GRIK3: variants seen among roughly 807,000 people sequenced by gnomAD.
GRIK3 encodes the protein glutamate receptor ionotropic, kainate 3.
In GRIK3, 29 loss-of-function variants were observed where a neutral mutation model predicts 102.5. The ratio of observed to expected loss-of-function variants is 0.28; its 90% CI spans 0.21 to 0.39. The LOEUF is 0.39. Ranked by LOEUF, GRIK3 falls within the 10% of genes least tolerant of loss-of-function variation. The pLI is 1.00. For missense variants in GRIK3, 908 were observed against 1,252.4 expected (o/e 0.73, Z 4.15); for synonymous variants, 511 against 504.9 (o/e 1.01, Z -0.16).
rs1642500664 is a variant in GRIK3, at chr1:36,806,212, G to A, written c.2206C>T (p.Leu736=). The change falls in exon 14 of 16, where the codon CTG becomes TTG. Residue 736 remains leucine, a synonymous_variant. Transcript: ENST00000373091. This position sits in a 1 kb window ranked among gnomAD's most constrained non-coding sequence, Gnocchi z 4.0. ...IQRALTADYA[L]LMESTTIEYV... ...TCGATGGTGGTGGACTCCATGAGCA[G>A]CGCGTAGTCGGCCGTCAGGGCCCTC... is the stretch of plus-strand genomic sequence containing the variant. 1 of 1,614,086 alleles carries A rather than the reference G, an allele frequency of 6.2e-7. No homozygotes were observed. Among genetic ancestry groups the A allele is most frequent in the Non-Finnish European group, 8.5e-7 (1 of 1,179,930 alleles).
intron 10 of GRIK3, among the ~76,000 whole-genome samples, chr1:36,831,248 C>T (rs938740799): frequency 6.6e-6 from 1 of 152,192 alleles, no homozygotes; most frequent in African/African-American, 2.4e-5. Context: ...GTGAACTTGA[C>T]TCTGGCCCCT....
At chr1:36,910,683 T>C (rs945132545) in intron 1 of GRIK3, among the ~76,000 whole-genome samples, 2 of 152,230 alleles carry the variant, frequency 1.3e-5, no homozygotes, top group African/African-American at 4.8e-5. Flanking sequence ...TCTAATGTCC[T>C]GGGAGAGGAA....
At position 36,806,453 on chromosome 1, in the gene GRIK3, G is replaced by A. The variant is rs1264525558; in HGVS notation, c.2092-127C>T. 9 of 613,602 alleles carry A rather than the reference G, an allele frequency of 1.5e-5. No individual in the cohort carries two copies. In the Admixed American group the frequency reaches 1.7e-4, roughly 12 times the overall value. The allele number at this position is 613,602 out of a possible 1,614,324, so 38.0% of individuals were successfully genotyped here. Reference sequence around the variant, plus strand: ...TCTACAATCTTCAGAGAAAGGAAGTGCTACACGGTGCTCAGATATAGAAAT... The same window carrying A: ...TCTACAATCTTCAGAGAAAGGAAGTACTACACGGTGCTCAGATATAGAAAT... On this transcript the variant is annotated intron_variant, in intron 13 of 15. Coordinates refer to ENST00000373091, the MANE Select transcript of GRIK3 (RefSeq NM_000831.4). The surrounding 1 kb of genome is among the most constrained non-coding windows in gnomAD (Gnocchi z 4.0).
At chr1:36,862,652 C>A (rs940794572) in intron 5 of GRIK3, among the ~76,000 whole-genome samples, 1 of 152,206 alleles carries the variant, frequency 6.6e-6, no homozygotes, top group South Asian at 2.1e-4. Context: ...GTCTCCCTCC[C>A]TCAGCTCCTC....
intron 3 of GRIK3, among the ~76,000 whole-genome samples, chr1:36,879,698 G>C (rs193166150): frequency 1.9e-3 from 296 of 152,302 alleles, no homozygotes; most frequent in Non-Finnish European, 3.4e-3. Context: ...GGCAGGGCAG[G>C]AGTGGGTCAG....
chr1:36,815,181 C>G (rs1251385572), intron 13 of GRIK3, among the ~76,000 whole-genome samples: 2 of 152,240 alleles, frequency 1.3e-5, no homozygotes, highest in East Asian at 3.8e-4. Flanking sequence ...TCTAAATACA[C>G]AGCAGTGACC....
chr1:37,032,091 A>G (rs370362128), intron 1 of GRIK3, among the ~76,000 whole-genome samples: 3 of 152,336 alleles, frequency 2.0e-5, no homozygotes, highest in South Asian at 2.1e-4. Context: ...GGGCTCTGCC[A>G]TCCTTTAATT....
At chr1:36,978,287 T>G (rs3767100) in intron 1 of GRIK3, among the ~76,000 whole-genome samples, 9 of 152,184 alleles carry the variant, frequency 5.9e-5, no homozygotes, top group Non-Finnish European at 1.5e-5. Flanking sequence ...TGGCACGCAC[T>G]GCACCCAGAT....
At chr1:36,950,375 T>C (rs775884091) in intron 1 of GRIK3, among the ~76,000 whole-genome samples, 1 of 152,242 alleles carries the variant, frequency 6.6e-6, no homozygotes, top group Non-Finnish European at 1.5e-5. Flanking sequence ...AGTATTTTGG[T>C]AGAGGTCTTT....
At chr1:36,842,908 G>A (rs1279516551) in intron 9 of GRIK3, among the ~76,000 whole-genome samples, 2 of 152,120 alleles carry the variant, frequency 1.3e-5, no homozygotes, top group Non-Finnish European at 2.9e-5. Context: ...GAGGCCCATG[G>A]TGCTCCTCCC....
chr1:36,945,380 C>A (rs1641771989), intron 1 of GRIK3, among the ~76,000 whole-genome samples: 1 of 152,174 alleles, frequency 6.6e-6, no homozygotes, highest in African/African-American at 2.4e-5. Context: ...AAAGACCAGG[C>A]CTGGGGCCTC....
At chr1:36,927,238 A>T (rs1179367379) in intron 1 of GRIK3, among the ~76,000 whole-genome samples, 2 of 152,194 alleles carry the variant, frequency 1.3e-5, no homozygotes, top group African/African-American at 4.8e-5. Flanking sequence ...TTCTGAGGTT[A>T]AAATAAAGCC....
At chr1:36,913,380 G>A (rs1052689680) in intron 1 of GRIK3, among the ~76,000 whole-genome samples, 3 of 149,026 alleles carry the variant, frequency 2.0e-5, no homozygotes, top group African/African-American at 7.4e-5. Context: ...GAGCAAGACC[G>A]GGAAAATTAG....
chr1:36,955,547 C>T (rs1052544689), intron 1 of GRIK3, among the ~76,000 whole-genome samples: 1 of 152,194 alleles, frequency 6.6e-6, no homozygotes, highest in African/African-American at 2.4e-5. Context: ...CCGGAGAACA[C>T]GCATGCACAC....
At chr1:36,961,538 C>T (rs61770582) in intron 1 of GRIK3, among the ~76,000 whole-genome samples, 45,438 of 152,054 alleles carry the variant, frequency 0.3, 7,366 homozygotes, top group Admixed American at 0.43. Context: ...AGATGCCCAC[C>T]GGGCCCCAGG....
chr1:36,842,981 C>T (rs192089298), intron 9 of GRIK3, among the ~76,000 whole-genome samples: 1 of 152,112 alleles, frequency 6.6e-6, no homozygotes, highest in South Asian at 2.1e-4. Flanking sequence ...CATGCCAGAC[C>T]CCCCACCATC....
At chr1:36,960,851 C>T (rs185613137) in intron 1 of GRIK3, among the ~76,000 whole-genome samples, 1 of 152,322 alleles carries the variant, frequency 6.6e-6, no homozygotes, top group Non-Finnish European at 1.5e-5. Context: ...GTAAGCATCT[C>T]AAGGTCCCTT....
intron 1 of GRIK3, among the ~76,000 whole-genome samples, chr1:36,993,070 AG>A (rs1642380025): frequency 6.7e-6 from 1 of 149,276 alleles, no homozygotes; most frequent in Non-Finnish European, 1.5e-5. Context: ...GTGGGGGTAA[AG>A]GGGGCAAGGG....
At chr1:36,945,757 T>C (rs1243632345) in intron 1 of GRIK3, among the ~76,000 whole-genome samples, 3 of 152,282 alleles carry the variant, frequency 2.0e-5, no homozygotes, top group South Asian at 2.1e-4. Context: ...TACTTCAGAA[T>C]TGAGGAAACA....
Sources: gnomAD v4.1 joint callset for allele counts (sites outside exome capture counted in the v4.1 genomes callset) on GRCh38, gnomAD v4.1.1 for gene constraint, Gnocchi (gnomAD v3.1) non-coding constraint, MANE v1.5 for transcripts, NCBI Gene and HGNC (gene_info 2026-07-23, HGNC 2026-07-21) for gene names.